CCDC73: variants seen among roughly 807,000 people sequenced by gnomAD.
The protein encoded by CCDC73 is coiled-coil domain-containing protein 73.
Under a neutral mutation model 116.5 loss-of-function variants are expected in CCDC73, and 95 were observed. The ratio of observed to expected loss-of-function variants is 0.82; its 90% CI spans 0.69 to 0.97. The LOEUF (loss-of-function observed/expected upper bound fraction) is 0.97, where lower values mean the gene tolerates loss of function less well. CCDC73 is among the 50% of genes least tolerant of loss of function. The pLI is 0.00. For synonymous variants in CCDC73, 398 were observed against 401.3 expected (o/e 0.99, Z 0.10); for missense variants, 1,066 against 1,206.8 (o/e 0.88, Z 1.73).
chr11:32,821,812 A>G, the CCDC73 span, among the ~76,000 whole-genome samples: 2 of 152,240 alleles, frequency 1.3e-5, no homozygotes, highest in South Asian at 4.1e-4. Context: ...TTCCTTGTGC[A>G]AGCTAGTAAA....
At chr11:32,781,747 C>T (rs896808094) in intron 1 of CCDC73, among the ~76,000 whole-genome samples, 9 of 152,148 alleles carry the variant, frequency 5.9e-5, no homozygotes, top group African/African-American at 1.2e-4. Context: ...TTGAGATACC[C>T]ACCAGTCTTT....
At chr11:32,798,548 C>T (rs1850746087), upstream of CCDC73, among the ~76,000 whole-genome samples, 1 of 152,224 alleles carries the variant, frequency 6.6e-6, no homozygotes, top group Admixed American at 6.5e-5. Context: ...TCAAGTGATC[C>T]TCCTGCCTTG....
chr11:32,816,841 T>C, the CCDC73 span, among the ~76,000 whole-genome samples: 1 of 152,216 alleles, frequency 6.6e-6, no homozygotes, highest in African/African-American at 2.4e-5. Context: ...TAGAGTTCAA[T>C]GGCGCGATCT....
chr11:32,775,762 T>C (rs952710550), intron 1 of CCDC73, among the ~76,000 whole-genome samples: 8 of 152,184 alleles, frequency 5.3e-5, no homozygotes, highest in Admixed American at 2.0e-4. Context: ...TGTTTTCACA[T>C]GCTTTGCCCT....
At chr11:32,749,816 CAGA>C (rs1312584692) in intron 2 of CCDC73, among the ~76,000 whole-genome samples, 1 of 151,868 alleles carries the variant, frequency 6.6e-6, no homozygotes, top group Non-Finnish European at 1.5e-5. Flanking sequence ...GGATAAGATC[CAGA>C]AGAATTATCT....
intron 3 of CCDC73, among the ~76,000 whole-genome samples, chr11:32,706,703 T>C (rs1275084645): frequency 2.0e-5 from 3 of 152,164 alleles, no homozygotes; most frequent in Non-Finnish European, 4.4e-5. Context: ...TTGAAGCCAA[T>C]GAGCTACACA....
intron 2 of CCDC73, among the ~76,000 whole-genome samples, chr11:32,732,171 AT>A (rs1850085085): frequency 1.3e-5 from 2 of 152,248 alleles, no homozygotes; most frequent in African/African-American, 4.8e-5. Flanking sequence ...GGTATCAGTG[AT>A]TGAAGATCAA....
chr11:32,728,031 C>A (rs767821560), intron 2 of CCDC73, among the ~76,000 whole-genome samples: 4 of 151,976 alleles, frequency 2.6e-5, no homozygotes, highest in Admixed American at 6.6e-5. Flanking sequence ...GCAGGTGGAT[C>A]GCTTGAGGCT....
chr11:32,784,493 G>A (rs1253495883), intron 1 of CCDC73, among the ~76,000 whole-genome samples: 3 of 152,240 alleles, frequency 2.0e-5, no homozygotes, highest in Non-Finnish European at 2.9e-5. Context: ...TGGAGGATGT[G>A]AAGAAGGAGA....
intron 12 of CCDC73, among the ~76,000 whole-genome samples, chr11:32,652,307 CA>C (rs71463364): frequency 1.0e-4 from 12 of 117,020 alleles, no homozygotes; most frequent in Non-Finnish European, 1.1e-4. Context: ...CCATCTCAAA[CA>C]AAAAAAAAAG....
At chr11:32,729,470 G>A (rs1850057291) in intron 2 of CCDC73, among the ~76,000 whole-genome samples, 1 of 152,114 alleles carries the variant, frequency 6.6e-6, no homozygotes, top group African/African-American at 2.4e-5. Context: ...GAATAGTGCT[G>A]CAATGAACAT....
chr11:32,746,937 A>G (rs1376044409), intron 2 of CCDC73, among the ~76,000 whole-genome samples: 1 of 152,156 alleles, frequency 6.6e-6, no homozygotes, highest in Non-Finnish European at 1.5e-5. Context: ...CGACTTGTCA[A>G]ACTCATTCTC....
At chr11:32,702,032 T>C (rs1849817036) in intron 4 of CCDC73, among the ~76,000 whole-genome samples, 2 of 152,238 alleles carry the variant, frequency 1.3e-5, no homozygotes, top group Non-Finnish European at 2.9e-5. Flanking sequence ...GCTACACTTT[T>C]GGCTTTTGCT....
At chr11:32,621,957 A>C (rs1855526106) in intron 14 of CCDC73, among the ~76,000 whole-genome samples, 1 of 152,242 alleles carries the variant, frequency 6.6e-6, no homozygotes, top group Admixed American at 6.5e-5. Context: ...AACCACAATG[A>C]GAATACCATC....
intron 2 of CCDC73, among the ~76,000 whole-genome samples, chr11:32,755,375 A>T (rs1191788905): frequency 6.8e-6 from 1 of 146,370 alleles, no homozygotes; most frequent in Non-Finnish European, 1.5e-5. Flanking sequence ...CTCTACCAAA[A>T]ATACAAAAAT....
chr11:32,771,491 CT>C (rs1850492196), intron 1 of CCDC73, among the ~76,000 whole-genome samples: 2 of 152,130 alleles, frequency 1.3e-5, no homozygotes, highest in Admixed American at 1.3e-4. Context: ...TATTCCTCCC[CT>C]TTTTGAATGA....
intron 2 of CCDC73, among the ~76,000 whole-genome samples, chr11:32,733,124 C>T (rs1471890706): frequency 6.6e-6 from 1 of 151,828 alleles, no homozygotes; most frequent in Non-Finnish European, 1.5e-5. Flanking sequence ...CAATCCTAGT[C>T]TCTGATAAAA....
rs372502644 is a variant in CCDC73, at chr11:32,695,006, A to G, written c.390+4245T>C. ...TTCAAAGACCCTGATGCCTTGTGGTACCCTTCTGAAACTCAAACAGTAACA... is the reference window on the plus strand; with the variant it reads ...TTCAAAGACCCTGATGCCTTGTGGTGCCCTTCTGAAACTCAAACAGTAACA... On this transcript the variant is annotated intron_variant, in intron 6 of 17. Transcript: ENST00000335185. Among the ~76,000 whole-genome samples the G allele has an allele frequency of 2.8e-4, 43 of 152,278 alleles. 1 individual carries two copies. The East Asian group carries it at 7.3e-3, about 26-fold the overall frequency.
At chr11:32,739,402 G>T (rs1184282004) in intron 2 of CCDC73, among the ~76,000 whole-genome samples, 2 of 151,960 alleles carry the variant, frequency 1.3e-5, no homozygotes, top group African/African-American at 4.8e-5. Context: ...TCATTGTAGA[G>T]AGCATTCAAT....
Sources: gnomAD v4.1 joint callset for allele counts (sites outside exome capture counted in the v4.1 genomes callset) on GRCh38, gnomAD v4.1.1 for gene constraint, MANE v1.5 for transcripts, NCBI Gene and HGNC (gene_info 2026-07-23, HGNC 2026-07-21) for gene names.